Variants in TPGS2 observed in about 807,000 individuals in gnomAD.
The protein encoded by TPGS2 is polyglutamylase subunit 2.
A neutral mutation model predicts 31.1 loss-of-function variants in TPGS2; 26 were observed. The ratio of observed to expected loss-of-function variants is 0.84; its 90% CI spans 0.61 to 1.16. The LOEUF (loss-of-function observed/expected upper bound fraction) is 1.16, where lower values mean the gene tolerates loss of function less well. Among genes scored for constraint, TPGS2 ranks in the 50% most tolerant of loss-of-function variants. The pLI, the probability that TPGS2 is intolerant of heterozygous loss-of-function variation, is 0.00. For synonymous variants in TPGS2, 130 were observed against 136.6 expected (o/e 0.95, Z 0.34); for missense variants, 351 against 363.8 (o/e 0.96, Z 0.29).
chr18:36,809,038 C>T (rs549331555), intron 2 of TPGS2, among the ~76,000 whole-genome samples: 4 of 152,194 alleles, frequency 2.6e-5, no homozygotes, highest in African/African-American at 4.8e-5. Context: ...GATGTGATAC[C>T]GACAACTGCT....
Position 36,794,143 on chromosome 18 carries a change from T to TTAAG in TPGS2, c.*2658_*2661dup. The TTAAG allele has an allele frequency of 2.6e-6, 1 of 391,056 alleles. No individual in the cohort carries two copies. Among genetic ancestry groups the TTAAG allele is most frequent in the Non-Finnish European group, 3.5e-6 (1 of 286,386 alleles). 24.2% of individuals were successfully genotyped at this position (391,056 alleles called of 1,614,324 possible). ...ATTTAAGTTTTTAGTTAGAACAGCA[T>TTAAG]TAAGTAGCAAATAAAAAACACAGCC... On this transcript the variant is annotated 3_prime_UTR_variant, in exon 7 of 7. Coordinates refer to ENST00000334295, the MANE Select transcript of TPGS2 (RefSeq NM_015476.4).
downstream of TPGS2, among the ~76,000 whole-genome samples, chr18:36,793,537 T>C (rs2044387377): frequency 6.6e-6 from 1 of 152,148 alleles, no homozygotes; most frequent in Non-Finnish European, 1.5e-5. Context: ...TTTTTACTCA[T>C]ATACATTCCT....
chr18:36,794,420 T>G lies in TPGS2; in HGVS notation c.*2385A>C. 1 of 985,468 alleles carries G rather than the reference T, an allele frequency of 1.0e-6. No individual in the cohort carries two copies. The highest frequency in any genetic ancestry group is 1.2e-6 in the Non-Finnish European group (1 of 829,948). 61.0% of individuals were successfully genotyped at this position (985,468 alleles called of 1,614,324 possible). The stretch of plus-strand genomic sequence containing the variant: ...CCCACTTGATTGCCACAGATTTGAG[T>G]GACACCGCTGACCTCCTGGTTCCTC... On this transcript the variant is annotated 3_prime_UTR_variant, in exon 7 of 7. Transcript: ENST00000334295.
chr18:36,814,664 T>C (rs1373012023), intron 2 of TPGS2, among the ~76,000 whole-genome samples: 1 of 152,212 alleles, frequency 6.6e-6, no homozygotes, highest in Non-Finnish European at 1.5e-5. Context: ...CAGTGTGTTT[T>C]TCCCACATCA....
chr18:36,818,958 A>G lies in TPGS2; in HGVS notation c.101T>C (p.Val34Ala). ...ITRILESSPG[V>A]TEVTIIEKPP... ...CTTTTCTATGATGGTCACCTCAGTCACACCTGGGGAAGATTCTGGAAGAGA... is the reference window on the plus strand; with the variant it reads ...CTTTTCTATGATGGTCACCTCAGTCGCACCTGGGGAAGATTCTGGAAGAGA... Residue 34 changes from valine (V) to alanine (A), a missense_variant, in exon 2 of 7, where the codon GTG (valine) becomes GCG (alanine). By Grantham distance (64) the Val-to-Ala change is moderately conservative (BLOSUM62 0). Coordinates refer to ENST00000334295, the MANE Select transcript of TPGS2 (RefSeq NM_015476.4). 1 of 1,613,416 alleles carries G rather than the reference A, an allele frequency of 6.2e-7. No homozygotes were observed. Among genetic ancestry groups the G allele is most frequent in the Non-Finnish European group, 8.5e-7 (1 of 1,179,642 alleles).
chr18:36,804,202 C>T (rs1214215011), intron 4 of TPGS2, among the ~76,000 whole-genome samples: 2 of 152,104 alleles, frequency 1.3e-5, no homozygotes, highest in African/African-American at 4.8e-5. Context: ...ACTGTTTTTC[C>T]ATTTAGGTTT....
downstream of TPGS2, chr18:36,782,874 G>A (rs949226860): frequency 4.9e-5 from 19 of 383,952 alleles, no homozygotes; most frequent in Non-Finnish European, 6.9e-5. Flanking sequence ...GAGGAACATC[G>A]GAAGTGGTAT....
chr18:36,819,247 CAG>C, intron 1 of TPGS2, among the ~76,000 whole-genome samples: 1 of 152,292 alleles, frequency 6.6e-6, no homozygotes, highest in Non-Finnish European at 1.5e-5. Flanking sequence ...GAACAAAAAA[CAG>C]AGATTGTAGA....
chr18:36,781,976 A>G (rs926116482), downstream of TPGS2: 9 of 971,332 alleles, frequency 9.3e-6, no homozygotes, highest in African/African-American at 1.1e-4. Flanking sequence ...ATGCTTCTAA[A>G]TAACAGGTAC....
intron 1 of TPGS2, among the ~76,000 whole-genome samples, chr18:36,824,376 AAATCCAGAAAGGG>A (rs1230168875): frequency 6.6e-6 from 1 of 152,224 alleles, no homozygotes; most frequent in Non-Finnish European, 1.5e-5. Flanking sequence ...TGGAGAAATG[AAATCCAGAAAGGG>A]AATCCAGAAA....
chr18:36,823,856 C>T, intron 1 of TPGS2: 4 of 985,386 alleles, frequency 4.1e-6, no homozygotes, highest in Non-Finnish European at 4.8e-6. Context: ...TGTGGTATCT[C>T]ATCATCTTCA....
downstream of TPGS2, chr18:36,789,814 G>T (rs533247880): frequency 6.6e-6 from 1 of 152,154 alleles, no homozygotes; most frequent in Non-Finnish European, 1.5e-5. Flanking sequence ...TTTATAAGGG[G>T]GTTTCCCCTT....
At chr18:36,807,703 T>C (rs889418198) in intron 3 of TPGS2, 144 bp downstream of exon 3, 3 of 667,492 alleles carry the variant, frequency 4.5e-6, no homozygotes, top group Non-Finnish European at 5.1e-6. Flanking sequence ...TTTTGGGACA[T>C]AATCACAGCT....
chr18:36,803,559 T>G (rs553886829), intron 4 of TPGS2, among the ~76,000 whole-genome samples: 1 of 152,340 alleles, frequency 6.6e-6, no homozygotes, highest in South Asian at 2.1e-4. Flanking sequence ...TTTACTGCCT[T>G]TCCATCTATT....
intron 1 of TPGS2, among the ~76,000 whole-genome samples, chr18:36,825,154 C>T (rs1046279997): frequency 2.0e-5 from 3 of 152,080 alleles, no homozygotes; most frequent in African/African-American, 4.8e-5. Context: ...TGAATCAGGC[C>T]GGGCACGGTG....
chr18:36,800,909 C>T (rs754957542), intron 4 of TPGS2, among the ~76,000 whole-genome samples: 2 of 152,140 alleles, frequency 1.3e-5, no homozygotes, highest in African/African-American at 2.4e-5. Flanking sequence ...AGACTGCTCT[C>T]GAACTCCTGA....
chr18:36,803,705 C>T (rs964368522), intron 4 of TPGS2, among the ~76,000 whole-genome samples: 1 of 152,064 alleles, frequency 6.6e-6, no homozygotes, highest in African/African-American at 2.4e-5. Context: ...ATTTCTTGCA[C>T]TTGATTTTTC....
At chr18:36,817,890 TGC>T (rs1239151927) in intron 2 of TPGS2, 26 of 152,344 alleles carry the variant, frequency 1.7e-4, no homozygotes, top group African/African-American at 6.3e-4. Flanking sequence ...TGTTGCCACT[TGC>T]CCCAGTCAAA....
At chr18:36,820,499 G>A (rs1254727193) in intron 1 of TPGS2, among the ~76,000 whole-genome samples, 4 of 152,210 alleles carry the variant, frequency 2.6e-5, no homozygotes, top group Non-Finnish European at 5.9e-5. Context: ...AATTGGTGAG[G>A]AGGTGGTGTT....
Sources: gnomAD v4.1 joint callset for allele counts (sites outside exome capture counted in the v4.1 genomes callset) on GRCh38, gnomAD v4.1.1 for gene constraint, MANE v1.5 for transcripts, NCBI Gene and HGNC (gene_info 2026-07-23, HGNC 2026-07-21) for gene names.